Variants in THUMPD2 observed in about 807,000 individuals in gnomAD.
THUMPD2 encodes THUMP domain 2 tRNA and snRNA guanosine methyltransferase, also known as U6 snRNA (guanine-N(2))-methyltransferase THUMPD2.
In THUMPD2, 56 loss-of-function variants were observed where a neutral mutation model predicts 49.4. The ratio of observed to expected loss-of-function variants is 1.13; its 90% CI spans 0.91 to 1.41. The LOEUF (loss-of-function observed/expected upper bound fraction) is 1.41. Among genes scored for constraint, THUMPD2 ranks in the 40% most tolerant of loss-of-function variants. The pLI is 0.00. For synonymous variants in THUMPD2, 237 were observed against 205.2 expected, an observed-to-expected ratio of 1.15 and a Z score of -1.32; for missense variants, 709 against 594.5, an observed-to-expected ratio of 1.19 and a Z score of -2.00.
At chr2:39,771,440 G>A (rs1678298089) in intron 2 of THUMPD2, 65 bp downstream of exon 2, 1 of 1,479,290 alleles carries the variant, frequency 6.8e-7, no homozygotes, top group Admixed American at 2.5e-5. Context: ...ATATTATCAA[G>A]CAGAAAATGT....
intron 9 of THUMPD2, among the ~76,000 whole-genome samples, chr2:39,743,974 G>T (rs1438664999): frequency 6.6e-6 from 1 of 151,648 alleles, no homozygotes; most frequent in Non-Finnish European, 1.5e-5. Context: ...GTGATCATAA[G>T]AAAGTTAATC....
At chr2:39,775,373 GAATT>G (rs950707844) in intron 1 of THUMPD2, among the ~76,000 whole-genome samples, 99 of 152,276 alleles carry the variant, frequency 6.5e-4, no homozygotes, top group African/African-American at 2.4e-3. Context: ...TTTAGTTACA[GAATT>G]AATTTGAAAG....
At position 39,756,930 on chromosome 2, in the gene THUMPD2, AT is replaced by A. The variant is rs1424864956; in HGVS notation, c.892-971del. Among the ~76,000 whole-genome samples the A allele has an allele frequency of 3.0e-4, 44 of 144,670 alleles. 1 individual carries two copies. Among genetic ancestry groups the A allele is most frequent in the African/African-American group, 1.0e-3 (41 of 39,058 alleles). 94.9% of individuals were successfully genotyped at this position (144,670 alleles called of 152,430 possible). On this transcript the variant is annotated intron_variant, in intron 6 of 9. Transcript: ENST00000505747. ...AAATGTAATAATAATAATAATAATA[AT>A]AATAATAAATGGTATTGGAGAAAAA...
intron 8 of THUMPD2, among the ~76,000 whole-genome samples, chr2:39,754,200 T>C (rs1165765114): frequency 6.6e-6 from 1 of 152,172 alleles, no homozygotes; most frequent in Non-Finnish European, 1.5e-5. Context: ...TTCAAAGAAA[T>C]AGCATTCTTA....
chr2:39,759,795 C>G (rs2148285899), intron 6 of THUMPD2, among the ~76,000 whole-genome samples: 1 of 152,260 alleles, frequency 6.6e-6, no homozygotes, highest in South Asian at 2.1e-4. Context: ...ATTCAGGAAT[C>G]CTATACCCAG....
chr2:39,737,142 T>C, intron 9 of THUMPD2, 83 bp from the exon 10 acceptor site: 1 of 1,291,182 alleles, frequency 7.7e-7, no homozygotes, highest in East Asian at 2.5e-5. Context: ...ATGGTTCATG[T>C]TTTTAATTTG....
chr2:39,753,867 G>T (rs551122390), intron 8 of THUMPD2, among the ~76,000 whole-genome samples: 1 of 152,128 alleles, frequency 6.6e-6, no homozygotes, highest in African/African-American at 2.4e-5. Context: ...TAGTCTCTCT[G>T]TTACTGTCCT....
At chr2:39,740,064 CTGTATTA>C (rs1231007133) in intron 9 of THUMPD2, among the ~76,000 whole-genome samples, 1 of 152,094 alleles carries the variant, frequency 6.6e-6, no homozygotes, top group Non-Finnish European at 1.5e-5. Context: ...TGGATATGCT[CTGTATTA>C]TGTATCATTT....
In THUMPD2 at chr2:39,769,796, C is replaced by A; in HGVS notation, c.586G>T (p.Ala196Ser). The A allele has an allele frequency of 6.2e-7, 1 of 1,609,550 alleles. No homozygotes were observed. The highest frequency in any genetic ancestry group is 8.5e-7 in the Non-Finnish European group (1 of 1,178,858). The change falls in exon 3 of 10, where the codon GCA becomes TCA. Residue 196 changes from alanine (A) to serine (S), a missense_variant. By Grantham distance (99) the Ala-to-Ser change is moderately conservative. Coordinates refer to ENST00000505747, the MANE Select transcript of THUMPD2 (RefSeq NM_025264.5). ...TCATTCTGATTATGAGTATCAATTG[C>A]TTTCTCTATGTCATTCTGAAATTCT... ...EEEFQNDIEK[A>S]IDTHNQNDLT...
In THUMPD2 at chr2:39,755,859, T is replaced by C. The variant is rs139026394; in HGVS notation, c.963+30A>G. ...ACATATACTGATTAAAGTAGATAAA[T>C]TGCTTGCTTTACCAAACTTTAGAAC... On this transcript the variant is annotated intron_variant, in intron 7 of 9. Coordinates refer to ENST00000505747, the MANE Select transcript of THUMPD2 (RefSeq NM_025264.5). 7.4e-4 allele frequency: 1,177 copies of C among 1,595,514 alleles called. 8 individuals are homozygous for C. The African/African-American group carries it at 0.013, about 17-fold the overall frequency.
intron 8 of THUMPD2, among the ~76,000 whole-genome samples, chr2:39,745,370 T>A (rs779262391): frequency 2.0e-5 from 3 of 152,158 alleles, no homozygotes; most frequent in Non-Finnish European, 4.4e-5. Context: ...CTAACCCTTA[T>A]GTGGGGTTAA....
intron 8 of THUMPD2, 27 bp from the exon 9 acceptor site, chr2:39,744,505 A>G (rs768077670): frequency 1.7e-5 from 24 of 1,410,050 alleles, no homozygotes; most frequent in African/African-American, 2.9e-5. Flanking sequence ...AGAGAATCCT[A>G]TTACAGTAGG....
intron 3 of THUMPD2, 140 bp downstream of exon 3, chr2:39,769,570 C>G: frequency 1.3e-6 from 1 of 756,298 alleles, no homozygotes; most frequent in Non-Finnish European, 2.0e-6. Flanking sequence ...GGTGTGGTGA[C>G]GCACACCTGT....
At position 39,755,298 on chromosome 2, in the gene THUMPD2, T is replaced by C; in HGVS notation, c.1075A>G (p.Ile359Val). Residue 359 changes from isoleucine (I) to valine (V), a missense_variant, in exon 8 of 10, where the codon ATA becomes GTA. Physicochemically the swap from Ile to Val is conservative, Grantham distance 29 (BLOSUM62 3). Transcript: ENST00000505747. The part of the protein sequence containing the change: ...DKIELLKISV[I>V]ELPLPSESVD... ...TTTTGCATTTTTAGTATCTTACCTA[T>C]AACAGAGATTTTAAGTAATTCAATT... 6.5e-7 allele frequency: 1 copy of C among 1,531,838 alleles called. No individual in the cohort carries two copies. Among genetic ancestry groups the C allele is most frequent in the Non-Finnish European group, 8.7e-7 (1 of 1,145,038 alleles). The allele number at this position is 1,531,838 out of a possible 1,614,324, so 94.9% of individuals were successfully genotyped here. A position where few individuals can be genotyped will look rare whatever the true frequency, so the allele number is the denominator to read the frequency against.
rs1208582293 is a variant in THUMPD2 at position 39,769,908 on chromosome 2, A to G, written c.474T>C (p.Asn158=). ...KIEQMQKIEE[N]RDCQLEKQIK... is the part of the protein sequence containing the mutation. ...TTTGTTTTTCCAGCTGGCAGTCCCT[A>G]TTCTCTTCTATCTTTTGCATTTGTT... Residue 158 remains asparagine (N), a synonymous_variant, in exon 3 of 10, where the codon AAT becomes AAC. Coordinates refer to ENST00000505747, the MANE Select transcript of THUMPD2 (RefSeq NM_025264.5). 1 of 1,592,352 alleles carries G rather than the reference A, an allele frequency of 6.3e-7. No individual in the cohort carries two copies. Among genetic ancestry groups the G allele is most frequent in the Non-Finnish European group, 8.5e-7 (1 of 1,174,564 alleles).
At chr2:39,757,636 T>G (rs958084822) in intron 6 of THUMPD2, among the ~76,000 whole-genome samples, 3 of 152,214 alleles carry the variant, frequency 2.0e-5, no homozygotes, top group African/African-American at 7.2e-5. Context: ...GGCTTTACTT[T>G]ACCTTAGGAC....
chr2:39,749,195 C>A (rs1174547468), intron 8 of THUMPD2, among the ~76,000 whole-genome samples: 1 of 152,018 alleles, frequency 6.6e-6, no homozygotes, highest in Non-Finnish European at 1.5e-5. Context: ...TTGGCAATGC[C>A]AAACTGAATT....
At chr2:39,749,542 T>G (rs1188712652) in intron 8 of THUMPD2, among the ~76,000 whole-genome samples, 1 of 152,224 alleles carries the variant, frequency 6.6e-6, no homozygotes, top group African/African-American at 2.4e-5. Flanking sequence ...TTTCTTCAGT[T>G]GCATGTGATA....
intron 4 of THUMPD2, 75 bp from the exon 5 acceptor site, chr2:39,766,184 A>G: frequency 9.0e-7 from 1 of 1,108,490 alleles, no homozygotes; most frequent in South Asian, 1.6e-5. Context: ...TGAAATTTCC[A>G]TTTTAAACTT....
Sources: gnomAD v4.1 joint callset for allele counts (sites outside exome capture counted in the v4.1 genomes callset) on GRCh38, gnomAD v4.1.1 for gene constraint, MANE v1.5 for transcripts, NCBI Gene and HGNC (gene_info 2026-07-23, HGNC 2026-07-21) for gene names.